The following SCML4 variants were observed in gnomAD, a reference collection of about 807,000 sequenced individuals.
SCML4 encodes the protein Scm polycomb group protein like 4.
A neutral mutation model predicts 41.1 loss-of-function variants in SCML4; 34 were observed. The observed-to-expected ratio is 0.83, with a 90% CI of 0.63 to 1.10. SCML4 has a LOEUF of 1.10. Ranked by LOEUF, SCML4 falls within the 50% of genes least tolerant of loss-of-function variation. The pLI is 0.00. For synonymous variants in SCML4, 214 were observed against 220.9 expected (o/e 0.97, Z 0.28); for missense variants, 522 against 534.1 (o/e 0.98, Z 0.22).
At chr6:107,707,576 A>G (rs2114336495) in intron 7 of SCML4, among the ~76,000 whole-genome samples, 2 of 152,292 alleles carry the variant, frequency 1.3e-5, no homozygotes, top group South Asian at 4.1e-4. Flanking sequence ...TGTTGCATTC[A>G]CAGACGGCTG....
chr6:107,730,564 T>C (rs1001592909), intron 5 of SCML4, among the ~76,000 whole-genome samples: 7 of 152,202 alleles, frequency 4.6e-5, no homozygotes, highest in Non-Finnish European at 8.8e-5. Flanking sequence ...TTAAGAATCA[T>C]TAAATCTTTT....
Position 107,704,991 on chromosome 6 carries a change from AAATT to A in SCML4, c.*205_*208del. ...TCACAGGCTTTTGTAATTTTTTGGC[AAATT>A]ATGAACACAGAGGAGCCTCTCGAAA... is the stretch of plus-strand genomic sequence containing the variant. On this transcript the variant is annotated 3_prime_UTR_variant, in exon 8 of 8. Coordinates refer to ENST00000369020, the MANE Select transcript of SCML4 (RefSeq NM_198081.5). 1.6e-6 allele frequency: 1 copy of A among 618,230 alleles called. No homozygotes were observed. Among genetic ancestry groups the A allele is most frequent in the South Asian group, 2.0e-5 (1 of 51,014 alleles). 38.3% of individuals were successfully genotyped at this position (618,230 alleles called of 1,614,324 possible).
At chr6:107,713,395 C>T (rs1207746919) in intron 6 of SCML4, among the ~76,000 whole-genome samples, 1 of 152,184 alleles carries the variant, frequency 6.6e-6, no homozygotes, top group Non-Finnish European at 1.5e-5. Context: ...CCCCTTATGA[C>T]ACTGTGTAAC....
At chr6:107,810,425 A>G (rs1036930658) in intron 1 of SCML4, among the ~76,000 whole-genome samples, 2 of 152,140 alleles carry the variant, frequency 1.3e-5, no homozygotes, top group African/African-American at 4.8e-5. Context: ...GTGGGCAGGA[A>G]AAAGGCAGAG....
At chr6:107,720,493 G>C in intron 6 of SCML4, 1 of 1,342,768 alleles carries the variant, frequency 7.4e-7, no homozygotes, top group Non-Finnish European at 9.5e-7. Context: ...GGCCTAGCCT[G>C]CCCTAATACA....
intron 1 of SCML4, among the ~76,000 whole-genome samples, chr6:107,799,086 G>T (rs930128820): frequency 1.3e-5 from 2 of 152,138 alleles, no homozygotes; most frequent in African/African-American, 4.8e-5. Context: ...TAAGTTAGTT[G>T]ATAGTGCTTT....
intron 2 of SCML4, among the ~76,000 whole-genome samples, chr6:107,757,823 T>C (rs1331713823): frequency 1.3e-5 from 2 of 152,324 alleles, no homozygotes; most frequent in East Asian, 3.9e-4. Flanking sequence ...CATGAAGTGA[T>C]GGCAGGAGGA....
At chr6:107,777,502 A>C (rs980604279) in intron 1 of SCML4, among the ~76,000 whole-genome samples, 1 of 152,138 alleles carries the variant, frequency 6.6e-6, no homozygotes, top group African/African-American at 2.4e-5. Flanking sequence ...ATTTTCTGAA[A>C]GTTTCTACTG....
intron 1 of SCML4, among the ~76,000 whole-genome samples, chr6:107,780,367 C>A (rs1281616218): frequency 6.6e-6 from 1 of 152,164 alleles, no homozygotes; most frequent in Non-Finnish European, 1.5e-5. Context: ...CACATGTACT[C>A]ATTCTTAGCG....
intron 1 of SCML4, among the ~76,000 whole-genome samples, chr6:107,803,432 G>C (rs527937750): frequency 1.4e-5 from 2 of 146,364 alleles, no homozygotes; most frequent in African/African-American, 5.3e-5. Context: ...AGGTGGGGGG[G>C]TCAGCCCCCC....
chr6:107,791,162 A>T (rs755354489), intron 1 of SCML4, among the ~76,000 whole-genome samples: 3 of 152,094 alleles, frequency 2.0e-5, no homozygotes, highest in Non-Finnish European at 4.4e-5. Flanking sequence ...TTTCCAGAGC[A>T]AGAAGAACAG....
Position 107,756,505 on chromosome 6 carries a change from G to A in SCML4, c.157-6692C>T, listed in dbSNP as rs189263082. On this transcript the variant is annotated intron_variant, in intron 2 of 7. Transcript: ENST00000369020. ...TCTGAGCAACTTTCCCAGCCCAGAG[G>A]AGCTTAAGGAAACATGACAACTAAA... Among the ~76,000 whole-genome samples the A allele has an allele frequency of 1.8e-3, 277 of 152,318 alleles. 1 individual carries two copies. Among genetic ancestry groups the A allele is most frequent in the African/African-American group, 6.3e-3 (261 of 41,568 alleles).
At chr6:107,719,034 T>C (rs1207059956) in intron 6 of SCML4, 1 of 152,216 alleles carries the variant, frequency 6.6e-6, no homozygotes, top group Non-Finnish European at 1.5e-5. Context: ...ACCTATGAAA[T>C]CAAGGCTGCC....
rs1546963 is a variant in SCML4, at chr6:107,704,942, C to T, written c.*258G>A. The T allele has an allele frequency of 0.88, 464,967 of 526,034 alleles. 206,177 individuals are homozygous for T. Among genetic ancestry groups the T allele is most frequent in the South Asian group, 0.93 (43,978 of 47,214 alleles). 32.6% of individuals were successfully genotyped at this position (526,034 alleles called of 1,614,324 possible). A position where few individuals can be genotyped will look rare whatever the true frequency, so the allele number is the denominator to read the frequency against. On this transcript the variant is annotated 3_prime_UTR_variant, in exon 8 of 8. Transcript: ENST00000369020. Reference sequence around the variant, plus strand: ...CAAATAGGACCCACTTTAAGAGAAACCAGCATAACAGGGATGTTAAAAATC... The same window carrying T: ...CAAATAGGACCCACTTTAAGAGAAATCAGCATAACAGGGATGTTAAAAATC...
At chr6:107,794,394 G>C (rs1401493343) in intron 1 of SCML4, among the ~76,000 whole-genome samples, 3 of 152,110 alleles carry the variant, frequency 2.0e-5, no homozygotes, top group Non-Finnish European at 4.4e-5. Flanking sequence ...CAGCCTGGAG[G>C]GGCACATTCG....
intron 5 of SCML4, among the ~76,000 whole-genome samples, chr6:107,721,952 C>T (rs1333394820): frequency 1.3e-5 from 2 of 151,574 alleles, no homozygotes; most frequent in South Asian, 2.1e-4. Flanking sequence ...TCATCATCAG[C>T]GCCTCTTAAG....
intron 1 of SCML4, among the ~76,000 whole-genome samples, chr6:107,774,598 T>C (rs1290658652): frequency 1.3e-5 from 2 of 152,216 alleles, no homozygotes; most frequent in Non-Finnish European, 2.9e-5. Context: ...TTATTATTTT[T>C]ATAGACTTTA....
At chr6:107,759,039 C>T (rs1261061319) in intron 2 of SCML4, among the ~76,000 whole-genome samples, 1 of 148,406 alleles carries the variant, frequency 6.7e-6, no homozygotes, top group African/African-American at 2.5e-5. Context: ...GTTATCCCAG[C>T]ACTTTAGGAG....
chr6:107,737,211 C>A (rs1172540192), intron 5 of SCML4, among the ~76,000 whole-genome samples: 1 of 152,204 alleles, frequency 6.6e-6, no homozygotes, highest in Non-Finnish European at 1.5e-5. Context: ...AAAGCAGAAT[C>A]AAATGCCATT....
Sources: allele counts gnomAD v4.1 joint callset (sites outside exome capture counted in the v4.1 genomes callset), GRCh38; gene constraint gnomAD v4.1.1; transcripts MANE v1.5; gene names NCBI Gene and HGNC (gene_info 2026-07-23, HGNC 2026-07-21).